PHACTR1: variants seen among roughly 807,000 people sequenced by gnomAD.
PHACTR1 encodes RPEL repeat containing 1.
A neutral mutation model predicts 69.2 loss-of-function variants in PHACTR1; 16 were observed. The observed-to-expected ratio is 0.23, with a 90% confidence interval of 0.16 to 0.35. PHACTR1 has a LOEUF of 0.35. Ranked by LOEUF, PHACTR1 falls within the 10% of genes least tolerant of loss-of-function variation. The pLI, the probability that PHACTR1 is intolerant of heterozygous loss-of-function variation, is 1.00. For missense variants in PHACTR1, 510 were observed against 734.7 expected (o/e 0.69, Z 3.54); for synonymous variants, 312 against 284.5 (o/e 1.10, Z -0.97).
Position 13,179,002 on chromosome 6 carries a change from G to A in PHACTR1, c.497-3517G>A, listed in dbSNP as rs907475235. ...TGTAATCCCAGCACTTTGGGAGGCC[G>A]AGGTGGGTGGATCACTTGAGTCAAG... On this transcript the variant is annotated intron_variant, in intron 6 of 14. Coordinates refer to ENST00000332995, the MANE Select transcript of PHACTR1 (RefSeq NM_030948.6). The surrounding 1 kb of genome is among the most constrained non-coding windows in gnomAD (Gnocchi z 4.2). Among the ~76,000 whole-genome samples the A allele has an allele frequency of 3.3e-5, 5 of 152,156 alleles. No individual in the cohort carries two copies. Among genetic ancestry groups the A allele is most frequent in the South Asian group, 2.1e-4 (1 of 4,826 alleles).
chr6:12,844,314 T>A (rs1025632075), intron 4 of PHACTR1, among the ~76,000 whole-genome samples: 1 of 152,002 alleles, frequency 6.6e-6, no homozygotes, highest in Non-Finnish European at 1.5e-5. Flanking sequence ...GGAGAACCCC[T>A]TGAGCCCAGG....
intron 4 of PHACTR1, among the ~76,000 whole-genome samples, chr6:13,047,678 G>A (rs1805291310): frequency 6.6e-6 from 1 of 151,922 alleles, no homozygotes; most frequent in South Asian, 2.1e-4. Flanking sequence ...GTCCCAAATG[G>A]GCTGCCCTCC....
chr6:13,145,280 T>C (rs1160943924), intron 5 of PHACTR1, among the ~76,000 whole-genome samples: 2 of 152,224 alleles, frequency 1.3e-5, no homozygotes, highest in Non-Finnish European at 2.9e-5. Flanking sequence ...TACCTTATCA[T>C]ATATGTATAC....
chr6:12,902,142 G>A (rs1433191662), intron 4 of PHACTR1, among the ~76,000 whole-genome samples: 1 of 152,136 alleles, frequency 6.6e-6, no homozygotes, highest in Non-Finnish European at 1.5e-5. Context: ...CCTGCTATAG[G>A]CCAGGCCTGG....
chr6:13,019,417 G>A (rs1800657353), intron 4 of PHACTR1, among the ~76,000 whole-genome samples: 1 of 152,184 alleles, frequency 6.6e-6, no homozygotes, highest in Non-Finnish European at 1.5e-5. Context: ...CCAGCTCCAT[G>A]CTGCTCATAG....
Position 12,868,879 on chromosome 6 carries a change from G to C in PHACTR1, c.250+119089G>C, listed in dbSNP as rs531091368. Among the ~76,000 whole-genome samples the C allele has an allele frequency of 7.2e-5, 11 of 152,146 alleles. No individual in the cohort carries two copies. The East Asian group carries it at 1.9e-3, about 27-fold the overall frequency. ...TTCACCAAAAGCCAGGAAAATATAA[G>C]AACCTCAATTCTGCTTGGAATTCCA... On this transcript the variant is annotated intron_variant, in intron 4 of 14. Transcript: ENST00000332995.
chr6:12,723,396 A>C (rs2127560184), intron 3 of PHACTR1, among the ~76,000 whole-genome samples: 1 of 152,210 alleles, frequency 6.6e-6, no homozygotes, highest in African/African-American at 2.4e-5. Flanking sequence ...TTTTAACAAA[A>C]TCTCCAGGTA....
At chr6:13,121,236 G>A (rs773944951) in intron 5 of PHACTR1, among the ~76,000 whole-genome samples, 1 of 152,168 alleles carries the variant, frequency 6.6e-6, no homozygotes, top group Non-Finnish European at 1.5e-5. Flanking sequence ...TGGGGATGGA[G>A]GCACTTAGAA....
chr6:13,285,140 A>G (rs1378343319), intron 13 of PHACTR1, among the ~76,000 whole-genome samples: 2 of 152,200 alleles, frequency 1.3e-5, no homozygotes, highest in Non-Finnish European at 2.9e-5. Flanking sequence ...AAAACCACAG[A>G]CATCTCTACT....
chr6:12,933,910 G>T, intron 4 of PHACTR1: 1 of 1,610,676 alleles, frequency 6.2e-7, no homozygotes, highest in South Asian at 1.1e-5. Context: ...TTTACTCTTT[G>T]GTCCATATGG....
chr6:13,260,355 A>G (rs1775745222), intron 10 of PHACTR1, among the ~76,000 whole-genome samples: 1 of 152,158 alleles, frequency 6.6e-6, no homozygotes, highest in South Asian at 2.1e-4. Flanking sequence ...CCTACTGTGA[A>G]TAAGGGAGTG....
intron 5 of PHACTR1, among the ~76,000 whole-genome samples, chr6:13,137,082 A>G (rs1165351777): frequency 6.6e-6 from 1 of 152,248 alleles, no homozygotes; most frequent in Non-Finnish European, 1.5e-5. Flanking sequence ...TTCAGCTTTC[A>G]ATTTGTATAA....
chr6:13,153,856 A>T (rs935911014), intron 5 of PHACTR1, among the ~76,000 whole-genome samples: 2 of 152,192 alleles, frequency 1.3e-5, no homozygotes, highest in Non-Finnish European at 2.9e-5. Context: ...TAATTTTTCA[A>T]TTTTAATGTT....
At chr6:13,081,518 TTA>T (rs1474849207) in intron 5 of PHACTR1, among the ~76,000 whole-genome samples, 2 of 152,136 alleles carry the variant, frequency 1.3e-5, no homozygotes, top group African/African-American at 4.8e-5. Context: ...CTGTATGATG[TTA>T]TCAAAAGTGT....
intron 4 of PHACTR1, among the ~76,000 whole-genome samples, chr6:13,018,592 G>A (rs974565590): frequency 5.9e-5 from 9 of 152,130 alleles, no homozygotes; most frequent in Non-Finnish European, 1.5e-5. Flanking sequence ...TGCCTCTTCT[G>A]TAATTAAACT....
intron 4 of PHACTR1, among the ~76,000 whole-genome samples, chr6:12,762,835 T>C (rs1422699564): frequency 1.3e-5 from 2 of 152,202 alleles, no homozygotes; most frequent in Non-Finnish European, 2.9e-5. Context: ...CTTAAGAACA[T>C]TTAAATTTCT....
intron 5 of PHACTR1, among the ~76,000 whole-genome samples, chr6:13,056,049 A>T (rs1806731385): frequency 6.6e-6 from 1 of 152,204 alleles, no homozygotes; most frequent in African/African-American, 2.4e-5. Flanking sequence ...TAGAGAATAC[A>T]CTACAGTATA....
chr6:12,769,422 A>G (rs907549862), intron 4 of PHACTR1, among the ~76,000 whole-genome samples: 2 of 152,140 alleles, frequency 1.3e-5, no homozygotes, highest in African/African-American at 4.8e-5. Context: ...TCCAGTCTTG[A>G]TTTGAATTGG....
chr6:12,943,420 A>G (rs1790257403), intron 4 of PHACTR1, among the ~76,000 whole-genome samples: 1 of 152,220 alleles, frequency 6.6e-6, no homozygotes, highest in African/African-American at 2.4e-5. Context: ...TGAAAATATT[A>G]TAGCACTACG....
Sources: allele counts gnomAD v4.1 joint callset (sites outside exome capture counted in the v4.1 genomes callset), GRCh38; gene constraint gnomAD v4.1.1; non-coding constraint Gnocchi (gnomAD v3.1); transcripts MANE v1.5; gene names NCBI Gene and HGNC (gene_info 2026-07-23, HGNC 2026-07-21).